Variants in TMEM272 observed in about 807,000 individuals in gnomAD.
The protein encoded by TMEM272 is transmembrane protein 272.
TMEM272 carries 8 observed loss-of-function variants against 3.7 expected under a neutral mutation model. The observed-to-expected ratio is 2.17, with a 90% CI of 1.27 to 3.91. TMEM272 has a LOEUF of 3.91. Among genes scored for constraint, TMEM272 ranks in the 30% most tolerant of loss-of-function variants. TMEM272 has a pLI of 0.00. For synonymous variants in TMEM272, 63 were observed against 39.8 expected, an observed-to-expected ratio of 1.58 and a Z score of -2.20; for missense variants, 166 against 91.5, an observed-to-expected ratio of 1.81 and a Z score of -3.32.
intron 1 of TMEM272, among the ~76,000 whole-genome samples, chr13:51,843,834 G>A (rs11619076): frequency 0.15 from 23,035 of 152,210 alleles, 2,183 homozygotes; most frequent in Middle Eastern, 0.24. Flanking sequence ...TAAAGGGCAC[G>A]ATGGGAATTA....
the TMEM272 span, among the ~76,000 whole-genome samples, chr13:51,878,089 C>T: frequency 1.4e-4 from 21 of 152,214 alleles, no homozygotes; most frequent in Middle Eastern, 3.4e-3. Context: ...CTTCACATGG[C>T]GGCAGGGAGA....
chr13:51,865,494 A>G, the TMEM272 span: 1 of 1,614,238 alleles, frequency 6.2e-7, no homozygotes, highest in Non-Finnish European at 8.5e-7. Flanking sequence ...ATTCGCCAGA[A>G]GAAACTAATG....
At chr13:51,826,461 C>T in intron 3 of TMEM272, 105 bp downstream of exon 3, 1 of 664,648 alleles carries the variant, frequency 1.5e-6, no homozygotes, top group Non-Finnish European at 2.7e-6. Context: ...ATCGGGCTGG[C>T]CAGTTCTTCT....
At position 51,817,119 on chromosome 13, in the gene TMEM272, G is replaced by A. The variant is rs1337547296; in HGVS notation, c.202-6C>T. ...TCGTACAACAGGAGAGACACCTGGGGCGTGGTGGGGAGCCAGGGTGGCAAG... is the reference window on the plus strand; with the variant it reads ...TCGTACAACAGGAGAGACACCTGGGACGTGGTGGGGAGCCAGGGTGGCAAG... On this transcript the variant is annotated splice_polypyrimidine_tract_variant and splice_region_variant and intron_variant, in intron 4 of 4. Transcript: ENST00000629372. 2.9e-6 allele frequency: 2 copies of A among 697,630 alleles called. No individual in the cohort carries two copies. Among genetic ancestry groups the A allele is most frequent in the South Asian group, 3.0e-5 (2 of 67,446 alleles). The allele number at this position is 697,630 out of a possible 1,614,324, so 43.2% of individuals were successfully genotyped here. A position where few individuals can be genotyped will look rare whatever the true frequency, so the allele number is the denominator to read the frequency against.
At chr13:51,874,494 C>G in the TMEM272 span, among the ~76,000 whole-genome samples, 1 of 152,128 alleles carries the variant, frequency 6.6e-6, no homozygotes, top group Non-Finnish European at 1.5e-5. Flanking sequence ...ATTTGATGAC[C>G]TCTGACTTCC....
chr13:51,906,479 A>G, the TMEM272 span, among the ~76,000 whole-genome samples: 2 of 152,236 alleles, frequency 1.3e-5, no homozygotes, highest in African/African-American at 4.8e-5. Flanking sequence ...AAGGAAGAAC[A>G]TATGAGAAAG....
At chr13:51,909,661 T>C in the TMEM272 span, 1 of 1,528,792 alleles carries the variant, frequency 6.5e-7, no homozygotes, top group Non-Finnish European at 9.0e-7. Flanking sequence ...GCATTTAACT[T>C]AGCAGCATGA....
intron 4 of TMEM272, among the ~76,000 whole-genome samples, chr13:51,817,948 TC>T (rs1023050978): frequency 6.6e-6 from 1 of 152,128 alleles, no homozygotes; most frequent in Non-Finnish European, 1.5e-5. Context: ...GAGCACACTT[TC>T]CCCCTGGAAA....
chr13:51,826,578 T>C lies in TMEM272; in HGVS notation c.106A>G (p.Met36Val). The change falls in exon 3 of 5, where the codon ATG (methionine) becomes GTG (valine). Residue 36 changes from methionine (M) to valine (V), a missense_variant. Met to Val is a conservative substitution (Grantham distance 21, BLOSUM62 1). Transcript: ENST00000629372. ...GAAGGCAGCTTACCTATGAAGGTCA[T>C]GGACAGCGGCAGAGCCAGGAAAGCA... is the stretch of plus-strand genomic sequence containing the variant. ...LCAFLALPLSMTFIGMKFLED... is the reference protein window; with the variant it reads ...LCAFLALPLSVTFIGMKFLED... The C allele has an allele frequency of 1.4e-6, 1 of 702,580 alleles. No homozygotes were observed. Among genetic ancestry groups the C allele is most frequent in the Non-Finnish European group, 2.6e-6 (1 of 384,998 alleles). 43.5% of individuals were successfully genotyped at this position (702,580 alleles called of 1,614,324 possible).
chr13:51,930,455 C>T, the TMEM272 span: 2 of 152,174 alleles, frequency 1.3e-5, no homozygotes, highest in East Asian at 3.8e-4. Flanking sequence ...ATGGTGTTTA[C>T]GTGCCTGCCC....
At chr13:51,860,729 ATG>A in the TMEM272 span, among the ~76,000 whole-genome samples, 1 of 31,484 alleles carries the variant, frequency 3.2e-5, no homozygotes, top group Non-Finnish European at 5.8e-5. Context: ...ACATATATAT[ATG>A]TGTGTGTGTA....
the TMEM272 span, among the ~76,000 whole-genome samples, chr13:51,869,385 G>T: frequency 6.6e-6 from 1 of 152,062 alleles, no homozygotes; most frequent in Non-Finnish European, 1.5e-5. Flanking sequence ...CCCTTTAAAC[G>T]GTATCAATGG....
chr13:51,865,779 C>T, the TMEM272 span: 2 of 1,614,012 alleles, frequency 1.2e-6, no homozygotes, highest in African/African-American at 2.7e-5. Flanking sequence ...GAGGATAAGG[C>T]CTTCTGGAAA....
the TMEM272 span, among the ~76,000 whole-genome samples, chr13:51,885,707 T>C: frequency 1.3e-5 from 2 of 152,250 alleles, no homozygotes; most frequent in East Asian, 1.9e-4. Context: ...AGCCAGGCTC[T>C]GGGCTGGCTT....
At chr13:51,887,399 G>A in the TMEM272 span, among the ~76,000 whole-genome samples, 3 of 152,104 alleles carry the variant, frequency 2.0e-5, no homozygotes, top group Non-Finnish European at 2.9e-5. Flanking sequence ...GAGAACCAAG[G>A]GAAACAGTGA....
rs930367899 is a variant in TMEM272, at chr13:51,814,538, C to T, written c.*2213G>A. Reference sequence around the variant, plus strand: ...GTGGTGCAATCATAGCTCACTGTAACCTCAAACCAGGGAAGATGTATGACC... The same window carrying T: ...GTGGTGCAATCATAGCTCACTGTAATCTCAAACCAGGGAAGATGTATGACC... On this transcript the variant is annotated 3_prime_UTR_variant, in exon 5 of 5. Coordinates refer to ENST00000629372, the MANE Select transcript of TMEM272 (RefSeq NM_001351003.2). 1 of 152,236 alleles carries T rather than the reference C, an allele frequency of 6.6e-6. No homozygotes were observed. The highest frequency in any genetic ancestry group is 1.5e-5 in the Non-Finnish European group (1 of 68,054). The allele number at this position is 152,236 out of a possible 1,614,324, so 9.4% of individuals were successfully genotyped here.
chr13:51,916,619 T>C, the TMEM272 span, among the ~76,000 whole-genome samples: 1 of 152,194 alleles, frequency 6.6e-6, no homozygotes, highest in Non-Finnish European at 1.5e-5. Context: ...CCCAGCCCTC[T>C]TTCCTAGGTT....
At chr13:51,920,359 C>T in the TMEM272 span, among the ~76,000 whole-genome samples, 1 of 152,224 alleles carries the variant, frequency 6.6e-6, no homozygotes, top group African/African-American at 2.4e-5. Context: ...CACTCCTGCT[C>T]TGTGCCAGGC....
At chr13:51,841,518 T>C (rs2139589631) in intron 1 of TMEM272, among the ~76,000 whole-genome samples, 1 of 152,324 alleles carries the variant, frequency 6.6e-6, no homozygotes, top group East Asian at 1.9e-4. Context: ...CTTGGGCCAT[T>C]CCCTGGGGTA....
Sources: allele counts gnomAD v4.1 joint callset (sites outside exome capture counted in the v4.1 genomes callset), GRCh38; gene constraint gnomAD v4.1.1; transcripts MANE v1.5; gene names NCBI Gene and HGNC (gene_info 2026-07-23, HGNC 2026-07-21).